The following TPM4 variants were observed in gnomAD, a reference collection of about 807,000 sequenced individuals.
The protein encoded by TPM4 is tropomyosin 4, also known as tropomyosin alpha-4 chain.
Under a neutral mutation model 35.8 loss-of-function variants are expected in TPM4, and 17 were observed. The observed-to-expected ratio is 0.47, with a 90% CI of 0.32 to 0.71. The LOEUF is 0.71. TPM4 is among the 30% of genes least tolerant of loss of function. The probability of loss-of-function intolerance (pLI) is 0.03; values close to 1 mark genes in which losing one functional copy is unlikely to be tolerated. For synonymous variants in TPM4, 120 were observed against 122.9 expected (o/e 0.98, Z 0.15); for missense variants, 240 against 320.9 (o/e 0.75, Z 1.93).
chr19:16,082,157 A>G, intron 2 of TPM4, 111 bp downstream of exon 2: 1 of 1,384,250 alleles, frequency 7.2e-7, no homozygotes. Context: ...AAGGACATGC[A>G]TGTGTCCACA....
intron 7 of TPM4, 29 bp from the exon 8 acceptor site, chr19:16,101,235 T>A (rs2090760390): frequency 6.6e-7 from 1 of 1,515,388 alleles, no homozygotes; most frequent in Non-Finnish European, 8.9e-7. Context: ...TATTAATTTA[T>A]CTTTCCCCAT....
intron 5 of TPM4, among the ~76,000 whole-genome samples, chr19:16,089,425 C>CA (rs747943763): frequency 7.9e-5 from 12 of 152,218 alleles, no homozygotes; most frequent in Non-Finnish European, 1.5e-4. Flanking sequence ...GCCTGCCTCT[C>CA]ACCTGATTCC....
upstream of TPM4, among the ~76,000 whole-genome samples, chr19:16,072,118 C>T (rs1220818766): frequency 1.3e-5 from 2 of 152,222 alleles, no homozygotes; most frequent in African/African-American, 2.4e-5. Flanking sequence ...CTGCGCCCAG[C>T]TCTCATTTAT....
chr19:16,076,202 G>A, upstream of TPM4: 2 of 1,551,748 alleles, frequency 1.3e-6, no homozygotes, highest in East Asian at 2.4e-5. Context: ...GGAGCCCGCG[G>A]CGGGGCCAGG....
chr19:16,075,728 A>G, upstream of TPM4: 1 of 256,724 alleles, frequency 3.9e-6, no homozygotes. Context: ...GCACCTCTGA[A>G]ACTGGAATGT....
Position 16,069,732 on chromosome 19 carries a change from G to T in TPM4, c.114+1994G>T, listed in dbSNP as rs2090337681. Among the ~76,000 whole-genome samples, 3 of 149,336 alleles carry T rather than the reference G, an allele frequency of 2.0e-5. No individual in the cohort carries two copies. The South Asian group carries it at 6.3e-4, about 31-fold the overall frequency. On this transcript the variant is annotated intron_variant, in intron 2 of 2. Transcript: ENST00000589897. The stretch of plus-strand genomic sequence containing the variant: ...TTTTTATGGGGTTGCGTGTATGAGT[G>T]TGTTTCTATTGGGGGGTGTGTGCAT...
At position 16,092,126 on chromosome 19, in the gene TPM4, C is replaced by T. The variant is rs552282980; in HGVS notation, c.532-1410C>T. Among the ~76,000 whole-genome samples, 5 of 150,566 alleles carry T rather than the reference C, an allele frequency of 3.3e-5. No homozygotes were observed. In the East Asian group the frequency reaches 5.8e-4, roughly 18 times the overall value. The stretch of plus-strand genomic sequence containing the variant: ...GCAGAAGTTGCAAGTCACAGTGAGC[C>T]GAGATCGTACCACTGCACTCCAGCC... On this transcript the variant is annotated intron_variant, in intron 5 of 7. Transcript: ENST00000643579.
At chr19:16,086,641 A>G (rs992345526) in intron 3 of TPM4, 101 bp downstream of exon 3, 6 of 941,610 alleles carry the variant, frequency 6.4e-6, no homozygotes, top group African/African-American at 3.3e-5. Flanking sequence ...GCTCTCGGTT[A>G]GGTCAGCTGT....
rs2090579856 is a variant in TPM4 at position 16,088,029 on chromosome 19, A to G, written c.387A>G (p.Val129=). 2 of 1,610,644 alleles carry G rather than the reference A, an allele frequency of 1.2e-6. No individual in the cohort carries two copies. The highest frequency in any genetic ancestry group is 1.3e-5 in the African/African-American group (1 of 74,876). Residue 129 remains valine (V), a splice_region_variant and synonymous_variant, in exon 4 of 8, where the codon GTA becomes GTG. Coordinates refer to ENST00000643579, the MANE Select transcript of TPM4 (RefSeq NM_003290.3). ...AEEADRKYEE[V]ARKLVILEGE... is the part of the protein sequence containing the mutation. ...GCTGGGCCTTTCTGTCTCTGCAGGT[A>G]GCTCGTAAGCTGGTCATCCTGGAGG...
At chr19:16,078,515 G>A (rs1444987108) in intron 1 of TPM4, among the ~76,000 whole-genome samples, 2 of 152,186 alleles carry the variant, frequency 1.3e-5, no homozygotes, top group African/African-American at 4.8e-5. Flanking sequence ...GGCCCAAGAG[G>A]CCTTAGAAAC....
intron 4 of TPM4, chr19:16,088,649 G>C (rs950083736): frequency 9.7e-7 from 1 of 1,032,300 alleles, no homozygotes; most frequent in Non-Finnish European, 1.2e-6. Context: ...AATCCACTCC[G>C]GGCTTCCTTC....
At chr19:16,077,633 T>C (rs73515775) in intron 1 of TPM4, among the ~76,000 whole-genome samples, 2,796 of 152,280 alleles carry the variant, frequency 0.018, 103 homozygotes, top group African/African-American at 0.064. Context: ...ATTTGCTCTC[T>C]AGGAGCTTTT....
At chr19:16,076,352 G>T (rs986802338), upstream of TPM4, 22 of 1,461,570 alleles carry the variant, frequency 1.5e-5, no homozygotes, top group Non-Finnish European at 1.9e-5. Flanking sequence ...CAGCGGTGCC[G>T]ACGTCAGGCC....
At chr19:16,098,584 C>A (rs2144964788) in intron 7 of TPM4, among the ~76,000 whole-genome samples, 1 of 152,238 alleles carries the variant, frequency 6.6e-6, no homozygotes. Flanking sequence ...GACCTAATAA[C>A]AAAATAGATG....
At position 16,067,733 on chromosome 19, in the gene TPM4, A is replaced by G. The variant is rs200328185; in HGVS notation, c.109A>G (p.Lys37Glu). 2.4e-5 allele frequency: 38 copies of G among 1,612,028 alleles called. No individual in the cohort carries two copies. The highest frequency in any genetic ancestry group is 3.1e-5 in the Non-Finnish European group (37 of 1,179,560). The change falls in exon 2 of 3, where the codon AAG becomes GAG. Residue 37 changes from lysine to glutamate, a missense_variant. By Grantham distance (56) the Lys-to-Glu change is moderately conservative. Coordinates refer to the TPM4 transcript ENST00000589897. The surrounding 1 kb of genome is among the most constrained non-coding windows in gnomAD (Gnocchi z 4.1). ...TAAGAAAGCCGCTGAGGACAAGTGC[A>G]AGCAGGTGAGGTGCCCTCCGCTGGG... is the stretch of plus-strand genomic sequence containing the variant.
intron 5 of TPM4, 84 bp downstream of exon 5, chr19:16,089,204 A>G: frequency 6.4e-7 from 1 of 1,563,574 alleles, no homozygotes; most frequent in South Asian, 1.1e-5. Context: ...CTGTCAGGTT[A>G]TGGGGAATCT....
chr19:16,076,662 C>T lies in TPM4; in HGVS notation c.97C>T (p.Arg33Trp). The change falls in exon 1 of 8, where the codon CGG (arginine) becomes TGG (tryptophan). Residue 33 changes from arginine (R) to tryptophan (W), a missense_variant. By Grantham distance (101) the Arg-to-Trp change is moderately radical. Transcript: ENST00000643579. ...EAEDRAQGLQ[R>W]ELDGERERRE... ...GGAAGACCGCGCGCAGGGCCTGCAGCGGGAGCTGGACGGCGAGCGCGAGCG... is the reference window on the plus strand; with the variant it reads ...GGAAGACCGCGCGCAGGGCCTGCAGTGGGAGCTGGACGGCGAGCGCGAGCG... The T allele has an allele frequency of 1.4e-6, 2 of 1,423,766 alleles. No homozygotes were observed. The highest frequency in any genetic ancestry group is 1.8e-6 in the Non-Finnish European group (2 of 1,092,428). The allele number at this position is 1,423,766 out of a possible 1,614,324, so 88.2% of individuals were successfully genotyped here.
chr19:16,100,029 AG>A (rs2090746781), intron 7 of TPM4: 1 of 152,210 alleles, frequency 6.6e-6, no homozygotes, highest in South Asian at 2.1e-4. Context: ...CTAATTAACT[AG>A]CACTTGGGTG....
upstream of TPM4, chr19:16,075,892 G>C: frequency 2.9e-6 from 3 of 1,036,394 alleles, no homozygotes; most frequent in Non-Finnish European, 4.1e-6. Flanking sequence ...TGGATGGCGT[G>C]GTGCATGCTA....
Sources: allele counts gnomAD v4.1 joint callset (sites outside exome capture counted in the v4.1 genomes callset), GRCh38; gene constraint gnomAD v4.1.1; non-coding constraint Gnocchi (gnomAD v3.1); transcripts MANE v1.5; gene names NCBI Gene and HGNC (gene_info 2026-07-23, HGNC 2026-07-21).